The following ANKS1B variants were observed in gnomAD, a reference collection of about 807,000 sequenced individuals.
ANKS1B encodes the protein ankyrin repeat and sterile alpha motif domain-containing protein 1B.
A neutral mutation model predicts 148.3 loss-of-function variants in ANKS1B; 36 were observed. The observed-to-expected ratio is 0.24, with a 90% CI of 0.19 to 0.32. ANKS1B has a LOEUF of 0.32. ANKS1B is among the 10% of genes least tolerant of loss of function. ANKS1B has a pLI of 1.00. For synonymous variants in ANKS1B, 542 were observed against 560.8 expected, an observed-to-expected ratio of 0.97 and a Z score of 0.47; for missense variants, 1,157 against 1,542.6, an observed-to-expected ratio of 0.75 and a Z score of 4.19.
intron 11 of ANKS1B, among the ~76,000 whole-genome samples, chr12:99,438,196 A>G (rs546607427): frequency 6.6e-6 from 1 of 151,844 alleles, no homozygotes. Context: ...CTGGTTCTCA[A>G]CTTCCTCACC....
chr12:99,381,455 GA>G (rs2093640695), intron 12 of ANKS1B, among the ~76,000 whole-genome samples: 1 of 152,168 alleles, frequency 6.6e-6, no homozygotes. Flanking sequence ...GGGCCATGAA[GA>G]ACAGTACCTT....
At chr12:99,903,033 T>C (rs1038383570) in intron 1 of ANKS1B, among the ~76,000 whole-genome samples, 1 of 152,140 alleles carries the variant, frequency 6.6e-6, no homozygotes, top group African/African-American at 2.4e-5. Flanking sequence ...CCCAAAATGC[T>C]GGGACATGAG....
intron 8 of ANKS1B, among the ~76,000 whole-genome samples, chr12:99,685,590 G>A (rs756485838): frequency 6.6e-6 from 1 of 152,014 alleles, no homozygotes; most frequent in Non-Finnish European, 1.5e-5. Context: ...TATCTACCCC[G>A]TGAAAAAGAA....
At chr12:98,889,472 T>C (rs1251853787) in intron 17 of ANKS1B, among the ~76,000 whole-genome samples, 2 of 152,038 alleles carry the variant, frequency 1.3e-5, no homozygotes, top group Admixed American at 6.5e-5. Flanking sequence ...CTCAGCCTCC[T>C]GAGTAGCTGA....
At chr12:98,879,006 T>C (rs2099699434) in intron 17 of ANKS1B, among the ~76,000 whole-genome samples, 1 of 152,254 alleles carries the variant, frequency 6.6e-6, no homozygotes, top group South Asian at 2.1e-4. Flanking sequence ...TCTGTGTGAT[T>C]GGCGCCTTCT....
rs186312037 is a variant in ANKS1B, at chr12:99,240,848, A to G, written c.2419+3494T>C. ...GAAATAAAGATGTTCTTTGAAACCA[A>G]TGAGAACAAAGACACATTGTACCAG... is the stretch of plus-strand genomic sequence containing the variant. On this transcript the variant is annotated intron_variant, in intron 14 of 26. Coordinates refer to ENST00000683438, the MANE Select transcript of ANKS1B (RefSeq NM_001352186.2). Among the ~76,000 whole-genome samples the G allele has an allele frequency of 4.5e-3, 680 of 152,348 alleles. 3 individuals are homozygous for G. The highest frequency in any genetic ancestry group is 0.011 in the South Asian group (51 of 4,830).
intron 1 of ANKS1B, among the ~76,000 whole-genome samples, chr12:99,926,237 A>G (rs1025244959): frequency 2.6e-5 from 4 of 152,210 alleles, no homozygotes; most frequent in Admixed American, 2.0e-4. Context: ...AGTACAAAAC[A>G]TACTCCAACC....
intron 12 of ANKS1B, among the ~76,000 whole-genome samples, chr12:99,255,703 C>A (rs1048359916): frequency 6.6e-6 from 1 of 152,072 alleles, no homozygotes; most frequent in African/African-American, 2.4e-5. Flanking sequence ...AGTATTATGG[C>A]ATCTCCTTTA....
chr12:98,848,826 C>T (rs1313618927), intron 17 of ANKS1B, among the ~76,000 whole-genome samples: 1 of 144,970 alleles, frequency 6.9e-6, no homozygotes. Context: ...GTGACCTCCG[C>T]CTCCCAGATT....
At chr12:99,562,392 C>T (rs2097345658) in intron 9 of ANKS1B, among the ~76,000 whole-genome samples, 1 of 152,234 alleles carries the variant, frequency 6.6e-6, no homozygotes, top group African/African-American at 2.4e-5. Flanking sequence ...CAGGCATTAA[C>T]TTCACACCTC....
At chr12:99,700,889 G>T (rs993517946) in intron 8 of ANKS1B, among the ~76,000 whole-genome samples, 3 of 152,244 alleles carry the variant, frequency 2.0e-5, no homozygotes, top group East Asian at 1.9e-4. Context: ...AGAAAGTTTT[G>T]CTTAATGACT....
intron 14 of ANKS1B, among the ~76,000 whole-genome samples, chr12:99,189,343 T>C (rs2080323549): frequency 6.6e-6 from 1 of 152,176 alleles, no homozygotes; most frequent in East Asian, 1.9e-4. Flanking sequence ...ACTCATTTTA[T>C]GAGACCAGCA....
chr12:98,761,859 G>A (rs1305162657), intron 25 of ANKS1B, among the ~76,000 whole-genome samples: 1 of 152,230 alleles, frequency 6.6e-6, no homozygotes, highest in Non-Finnish European at 1.5e-5. Context: ...AGGCCCTCCT[G>A]ACCCAGGCTG....
intron 1 of ANKS1B, among the ~76,000 whole-genome samples, chr12:99,856,112 G>T (rs1485028858): frequency 6.6e-6 from 1 of 151,826 alleles, no homozygotes; most frequent in African/African-American, 2.4e-5. Flanking sequence ...AAATACAAAA[G>T]ATAAATGAGA....
chr12:99,888,745 G>A (rs533340691), intron 1 of ANKS1B, among the ~76,000 whole-genome samples: 4 of 152,076 alleles, frequency 2.6e-5, no homozygotes, highest in Admixed American at 6.6e-5. Flanking sequence ...ACTAATTTGC[G>A]ATATTAAGGT....
chr12:99,587,647 G>A (rs897255104), intron 9 of ANKS1B, among the ~76,000 whole-genome samples: 3 of 152,166 alleles, frequency 2.0e-5, no homozygotes, highest in East Asian at 3.8e-4. Flanking sequence ...ATAAAATGCT[G>A]TGTTCTCACT....
At chr12:99,866,763 T>C (rs928543870) in intron 1 of ANKS1B, among the ~76,000 whole-genome samples, 32 of 152,200 alleles carry the variant, frequency 2.1e-4, no homozygotes, top group African/African-American at 4.8e-5. Flanking sequence ...AAAGAAAATC[T>C]AAATGTATAA....
chr12:99,224,633 G>A (rs1348945755), intron 14 of ANKS1B, among the ~76,000 whole-genome samples: 1 of 152,128 alleles, frequency 6.6e-6, no homozygotes, highest in Admixed American at 6.5e-5. Context: ...ATAAAGCCTG[G>A]AGAATCATGA....
At chr12:98,756,935 G>A (rs1341845775) in intron 25 of ANKS1B, among the ~76,000 whole-genome samples, 1 of 151,734 alleles carries the variant, frequency 6.6e-6, no homozygotes, top group Non-Finnish European at 1.5e-5. Flanking sequence ...CACCATGTTG[G>A]CCAGGCTGGT....
Sources: gnomAD v4.1 joint callset for allele counts (sites outside exome capture counted in the v4.1 genomes callset) on GRCh38, gnomAD v4.1.1 for gene constraint, MANE v1.5 for transcripts, NCBI Gene and HGNC (gene_info 2026-07-23, HGNC 2026-07-21) for gene names.